The following DAB1 variants were observed in gnomAD, a reference collection of about 807,000 sequenced individuals.
The protein encoded by DAB1 is disabled homolog 1.
A neutral mutation model predicts 64.6 loss-of-function variants in DAB1; 15 were observed. That is an observed-to-expected ratio of 0.23 (90% CI 0.16 to 0.36). DAB1 has a LOEUF of 0.36. DAB1 is among the 10% of genes least tolerant of loss of function. DAB1 has a pLI of 1.00. For missense variants in DAB1, 596 were observed against 706.7 expected, an observed-to-expected ratio of 0.84 and a Z score of 1.78; for synonymous variants, 235 against 251.9, an observed-to-expected ratio of 0.93 and a Z score of 0.64.
At chr1:57,063,016 T>G in intron 8 of DAB1, 73 bp from the exon 9 acceptor site, 1 of 1,350,940 alleles carries the variant, frequency 7.4e-7, no homozygotes, top group Non-Finnish European at 1.1e-6. Context: ...GCAACCAGAC[T>G]TCAACTGCAA....
At chr1:58,022,294 A>T (rs1646825903) in intron 5 of DAB1, among the ~76,000 whole-genome samples, 1 of 152,196 alleles carries the variant, frequency 6.6e-6, no homozygotes, top group Admixed American at 6.5e-5. Context: ...GCTCCTCCTT[A>T]ACTCTCAGTA....
intron 7 of DAB1, among the ~76,000 whole-genome samples, chr1:57,608,511 C>T (rs936690336): frequency 4.6e-5 from 7 of 152,110 alleles, no homozygotes; most frequent in Non-Finnish European, 1.0e-4. Context: ...CTTGGCAGGC[C>T]GTGAGTAAAA....
At chr1:57,862,621 A>G (rs535631850) in intron 1 of DAB1, 1 of 152,330 alleles carries the variant, frequency 6.6e-6, no homozygotes, top group South Asian at 2.1e-4. Context: ...CTAAAATAAG[A>G]TAACTCCTTA....
At chr1:57,770,729 C>A (rs577231636) in intron 6 of DAB1, among the ~76,000 whole-genome samples, 227 of 152,008 alleles carry the variant, frequency 1.5e-3, no homozygotes, top group African/African-American at 5.2e-3. Flanking sequence ...GTAATTAATT[C>A]GTTCAGAGAT....
chr1:57,374,465 C>G (rs1680741121), intron 1 of DAB1, among the ~76,000 whole-genome samples: 1 of 152,090 alleles, frequency 6.6e-6, no homozygotes, highest in Admixed American at 6.5e-5. Flanking sequence ...CAAATTAATA[C>G]CATTCTATTA....
chr1:57,736,978 T>C (rs1490178558), intron 6 of DAB1, among the ~76,000 whole-genome samples: 1 of 152,038 alleles, frequency 6.6e-6, no homozygotes, highest in Non-Finnish European at 1.5e-5. Flanking sequence ...GCTCCAGCAA[T>C]AACAAGAGCT....
chr1:57,287,221 G>A (rs925054715), intron 2 of DAB1, among the ~76,000 whole-genome samples: 5 of 152,036 alleles, frequency 3.3e-5, no homozygotes, highest in African/African-American at 9.7e-5. Flanking sequence ...ACTGGCATGC[G>A]CCGCCATGCC....
intron 7 of DAB1, among the ~76,000 whole-genome samples, chr1:57,569,422 T>G (rs1645166160): frequency 6.6e-6 from 1 of 152,076 alleles, no homozygotes; most frequent in East Asian, 1.9e-4. Context: ...AAATGATGAG[T>G]TCATGTCCTT....
chr1:57,411,228 T>C (rs1684083609), intron 1 of DAB1, among the ~76,000 whole-genome samples: 1 of 152,204 alleles, frequency 6.6e-6, no homozygotes, highest in Non-Finnish European at 1.5e-5. Context: ...ATTGACATAG[T>C]ATATTTGAGG....
At chr1:57,141,104 C>T (rs140605834) in intron 3 of DAB1, among the ~76,000 whole-genome samples, 39 of 152,128 alleles carry the variant, frequency 2.6e-4, no homozygotes, top group Non-Finnish European at 3.7e-4. Context: ...GTAATAAGCC[C>T]GGTCTCCATT....
At chr1:57,775,995 C>G (rs762536258) in intron 6 of DAB1, among the ~76,000 whole-genome samples, 3 of 151,556 alleles carry the variant, frequency 2.0e-5, no homozygotes, top group Non-Finnish European at 4.4e-5. Flanking sequence ...TGTCCCAAAG[C>G]CTACTTTGTC....
chr1:58,024,212 G>T (rs1280868142), intron 5 of DAB1, among the ~76,000 whole-genome samples: 1 of 152,168 alleles, frequency 6.6e-6, no homozygotes, highest in Non-Finnish European at 1.5e-5. Flanking sequence ...ATGGTCAGGA[G>T]AGGGCAACAT....
intron 6 of DAB1, among the ~76,000 whole-genome samples, chr1:57,689,507 C>A (rs1646738462): frequency 6.6e-6 from 1 of 152,170 alleles, no homozygotes; most frequent in Non-Finnish European, 1.5e-5. Flanking sequence ...CCGAGTGATA[C>A]AAGGATTTGA....
At chr1:57,116,420 C>G (rs1234687847) in intron 4 of DAB1, among the ~76,000 whole-genome samples, 2 of 127,254 alleles carry the variant, frequency 1.6e-5, no homozygotes, top group Non-Finnish European at 3.2e-5. Context: ...TGAGATCACG[C>G]CATTGCACTC....
intron 2 of DAB1, among the ~76,000 whole-genome samples, chr1:57,185,538 C>T (rs1663457544): frequency 1.3e-5 from 2 of 149,316 alleles, no homozygotes; most frequent in African/African-American, 5.0e-5. Context: ...AAGAATGGGA[C>T]AAACCTCACA....
At chr1:58,495,441 T>C (rs1293169413) in intron 3 of DAB1, among the ~76,000 whole-genome samples, 2 of 152,006 alleles carry the variant, frequency 1.3e-5, no homozygotes, top group Non-Finnish European at 2.9e-5. Flanking sequence ...TACATTCCTT[T>C]TTTTAGGATT....
chr1:57,915,073 AATAG>A (rs1452270176), intron 5 of DAB1, among the ~76,000 whole-genome samples: 2 of 151,980 alleles, frequency 1.3e-5, no homozygotes, highest in Non-Finnish European at 1.5e-5. Flanking sequence ...AAATGAGACA[AATAG>A]ATAAGTAGAT....
intron 14 of DAB1, among the ~76,000 whole-genome samples, chr1:57,009,979 C>T (rs1309814115): frequency 2.0e-5 from 3 of 152,182 alleles, no homozygotes; most frequent in Non-Finnish European, 4.4e-5. Context: ...TGCTACACAT[C>T]TCTGGGCTTT....
intron 7 of DAB1, among the ~76,000 whole-genome samples, chr1:57,580,827 A>G (rs79363252): frequency 2.6e-5 from 4 of 152,324 alleles, no homozygotes; most frequent in African/African-American, 7.2e-5. Flanking sequence ...CCAGTATACA[A>G]ATGGGTTAGT....
Sources: allele counts gnomAD v4.1 joint callset (sites outside exome capture counted in the v4.1 genomes callset), GRCh38; gene constraint gnomAD v4.1.1; transcripts MANE v1.5; gene names NCBI Gene and HGNC (gene_info 2026-07-23, HGNC 2026-07-21).